NBAS: variants seen among roughly 807,000 people sequenced by gnomAD.
NBAS encodes the protein NBAS subunit of NRZ tethering complex.
A neutral mutation model predicts 302.5 loss-of-function variants in NBAS; 219 were observed. That is an observed-to-expected ratio of 0.72 (90% CI 0.65 to 0.81). The LOEUF (loss-of-function observed/expected upper bound fraction) is 0.81, where lower values mean the gene tolerates loss of function less well. Ranked by LOEUF, NBAS falls within the 30% of genes least tolerant of loss-of-function variation. The pLI, the probability that NBAS is intolerant of heterozygous loss-of-function variation, is 0.00. For missense variants in NBAS, 2,932 were observed against 2,841.6 expected (o/e 1.03, Z -0.72); for synonymous variants, 1,118 against 1,021.6 (o/e 1.09, Z -1.80).
chr2:15,146,721 A>G, the NBAS span, among the ~76,000 whole-genome samples: 1 of 152,134 alleles, frequency 6.6e-6, no homozygotes, highest in Non-Finnish European at 1.5e-5. Flanking sequence ...ATGGCAGAGC[A>G]GATAGATGGT....
At chr2:14,786,798 G>C in the NBAS span, among the ~76,000 whole-genome samples, 1 of 152,176 alleles carries the variant, frequency 6.6e-6, no homozygotes, top group Non-Finnish European at 1.5e-5. Context: ...TGTATATTCT[G>C]TTGATTTGGG....
At chr2:15,049,370 T>G in the NBAS span, among the ~76,000 whole-genome samples, 1 of 152,194 alleles carries the variant, frequency 6.6e-6, no homozygotes, top group Non-Finnish European at 1.5e-5. Flanking sequence ...CATTGTCCTC[T>G]CTGGGGCCTT....
intron 9 of NBAS, among the ~76,000 whole-genome samples, chr2:15,529,132 G>A (rs1048758737): frequency 7.2e-5 from 11 of 151,864 alleles, no homozygotes; most frequent in Non-Finnish European, 8.8e-5. Context: ...GAACACATAC[G>A]CTTTTTAAGA....
At chr2:15,334,268 C>A (rs1369488889) in intron 35 of NBAS, among the ~76,000 whole-genome samples, 4 of 151,792 alleles carry the variant, frequency 2.6e-5, no homozygotes, top group African/African-American at 7.3e-5. Flanking sequence ...CGGCTCACTG[C>A]AATCTCCGCC....
intron 31 of NBAS, among the ~76,000 whole-genome samples, chr2:15,369,368 C>T (rs1674374893): frequency 6.6e-6 from 1 of 152,184 alleles, no homozygotes; most frequent in Non-Finnish European, 1.5e-5. Flanking sequence ...CTCTAAACTT[C>T]CATTTAATGG....
At chr2:15,504,314 T>C in intron 10 of NBAS, 101 bp from the exon 11 acceptor site, 1 of 979,682 alleles carries the variant, frequency 1.0e-6, no homozygotes, top group Non-Finnish European at 1.6e-6. Flanking sequence ...AATCTAGTAT[T>C]TTTTTAATTG....
chr2:15,524,172 C>G, intron 9 of NBAS, among the ~76,000 whole-genome samples: 1 of 152,156 alleles, frequency 6.6e-6, no homozygotes, highest in East Asian at 1.9e-4. Context: ...ATTTTTTACA[C>G]AAATTAAATT....
chr2:15,468,741 G>A (rs576271044), intron 16 of NBAS, among the ~76,000 whole-genome samples: 1 of 152,284 alleles, frequency 6.6e-6, no homozygotes, highest in South Asian at 2.1e-4. Context: ...GAGTTGACCT[G>A]CTTGCTTTCT....
chr2:15,300,690 C>A (rs1670757118), intron 40 of NBAS, among the ~76,000 whole-genome samples: 2 of 152,308 alleles, frequency 1.3e-5, no homozygotes, highest in African/African-American at 4.8e-5. Flanking sequence ...CAAGAGAATT[C>A]CTGTCTTCAA....
chr2:14,979,211 T>C, the NBAS span, among the ~76,000 whole-genome samples: 1 of 152,222 alleles, frequency 6.6e-6, no homozygotes. Flanking sequence ...AGCCTGGAAC[T>C]CATTTCTGCA....
Position 15,440,843 on chromosome 2 carries a change from G to A in NBAS, c.2340-13049C>T, listed in dbSNP as rs1254121676. ...GATGGAGCTGAAAGCCAAGGCTGGA[G>A]AACTACGTGAAGAATGCAGAAGCCT... On this transcript the variant is annotated intron_variant, in intron 21 of 51. Transcript: ENST00000281513. Among the ~76,000 whole-genome samples, 8 of 151,882 alleles carry A rather than the reference G, an allele frequency of 5.3e-5. No homozygotes were observed. The East Asian group carries it at 1.2e-3, about 22-fold the overall frequency.
chr2:14,820,718 G>A, the NBAS span, among the ~76,000 whole-genome samples: 1 of 152,030 alleles, frequency 6.6e-6, no homozygotes, highest in Non-Finnish European at 1.5e-5. Flanking sequence ...CAAGAAGAAG[G>A]GCATGGAAGG....
At chr2:14,824,849 C>T in the NBAS span, among the ~76,000 whole-genome samples, 7 of 151,898 alleles carry the variant, frequency 4.6e-5, no homozygotes, top group Admixed American at 4.6e-4. Flanking sequence ...TTTAGAATTC[C>T]ACCAAGCAGT....
the NBAS span, among the ~76,000 whole-genome samples, chr2:14,955,876 C>A: frequency 1.3e-5 from 2 of 152,224 alleles, no homozygotes; most frequent in African/African-American, 2.4e-5. Flanking sequence ...CTCTGACATA[C>A]CCTGGAGACA....
At chr2:15,120,454 A>C in the NBAS span, among the ~76,000 whole-genome samples, 1 of 152,290 alleles carries the variant, frequency 6.6e-6, no homozygotes, top group African/African-American at 2.4e-5. Context: ...ATAAGAACAG[A>C]AAGGTTAATC....
chr2:15,322,946 A>G (rs1303102532), intron 38 of NBAS, among the ~76,000 whole-genome samples: 1 of 152,194 alleles, frequency 6.6e-6, no homozygotes, highest in African/African-American at 2.4e-5. Flanking sequence ...AATCACCTCT[A>G]TATTTAATAT....
At chr2:15,193,685 A>T (rs1447403657) in intron 48 of NBAS, among the ~76,000 whole-genome samples, 1 of 152,184 alleles carries the variant, frequency 6.6e-6, no homozygotes, top group African/African-American at 2.4e-5. Context: ...TAAAGAATAT[A>T]CTTGGTTGGA....
At chr2:15,459,829 C>T (rs1460671543) in intron 21 of NBAS, among the ~76,000 whole-genome samples, 1 of 152,090 alleles carries the variant, frequency 6.6e-6, no homozygotes, top group Non-Finnish European at 1.5e-5. Flanking sequence ...AGGACTAACA[C>T]TAATGTAAAC....
the NBAS span, among the ~76,000 whole-genome samples, chr2:14,905,732 G>A: frequency 1.3e-5 from 2 of 152,198 alleles, no homozygotes; most frequent in Non-Finnish European, 2.9e-5. Context: ...CAGGCCACAC[G>A]TGACCCATGT....
Sources: gnomAD v4.1 joint callset for allele counts (sites outside exome capture counted in the v4.1 genomes callset) on GRCh38, gnomAD v4.1.1 for gene constraint, MANE v1.5 for transcripts, NCBI Gene and HGNC (gene_info 2026-07-23, HGNC 2026-07-21) for gene names.